Variants in HRNR observed in about 807,000 individuals in gnomAD.
The protein encoded by HRNR is filaggrin family member 3.
In HRNR, 7 loss-of-function variants were observed where a neutral mutation model predicts 4.8. The observed-to-expected ratio is 1.47, with a 90% CI of 0.83 to 2.75. The LOEUF (loss-of-function observed/expected upper bound fraction) is 2.75. Among genes scored for constraint, HRNR ranks in the 30% most tolerant of loss-of-function variants. The pLI, the probability that HRNR is intolerant of heterozygous loss-of-function variation, is 0.00. For missense variants in HRNR, 2,879 were observed against 3,010.4 expected, an observed-to-expected ratio of 0.96 and a Z score of 1.02; for synonymous variants, 1,023 against 1,242.7, an observed-to-expected ratio of 0.82 and a Z score of 3.72.
Position 152,221,307 on chromosome 1 carries a change from G to C in HRNR, c.322C>G (p.His108Asp). ...TCAGTTTCTTCTTGTTCCTCTTGGT[G>C]CTGGTGAGTGTCATCTCTCAGCTTT... ...GSKLRDDTHQHQEEQEETEKE... is the reference protein window; with the variant it reads ...GSKLRDDTHQDQEEQEETEKE... Residue 108 changes from histidine to aspartate, a missense_variant, in exon 3 of 3, where the codon CAC becomes GAC. Coordinates refer to ENST00000368801, the MANE Select transcript of HRNR (RefSeq NM_001009931.3). 2 of 1,613,970 alleles carry C rather than the reference G, an allele frequency of 1.2e-6. No individual in the cohort carries two copies. Among genetic ancestry groups the C allele is most frequent in the Non-Finnish European group, 1.7e-6 (2 of 1,179,992 alleles).
At position 152,219,000 on chromosome 1, in the gene HRNR, C is replaced by T. The variant is rs143604066; in HGVS notation, c.2629G>A (p.Ala877Thr). 2.6e-5 allele frequency: 42 copies of T among 1,611,178 alleles called. No homozygotes were observed. The highest frequency in any genetic ancestry group is 1.8e-4 in the South Asian group (16 of 90,900). Residue 877 changes from alanine (A) to threonine (T), a missense_variant, in exon 3 of 3, where the codon GCT (alanine) becomes ACT (threonine). Ala to Thr is a moderately conservative substitution (Grantham distance 58). Coordinates refer to ENST00000368801, the MANE Select transcript of HRNR (RefSeq NM_001009931.3). ...YGQHESASHH[A>T]SGRGRHGSGS... ...GAGCCATGTCGGCCGCGGCCCGAAG[C>T]GTGATGGGAGGCAGACTCATGCTGA...
At chr1:152,222,924 T>G (rs1469561174) in intron 2 of HRNR, among the ~76,000 whole-genome samples, 192 bp downstream of exon 2, 1 of 152,178 alleles carries the variant, frequency 6.6e-6, no homozygotes, top group Admixed American at 6.5e-5. Context: ...TTTAGTAAGG[T>G]CACTTCCGTT....
At chr1:152,223,873 A>G (rs765544559) in intron 1 of HRNR, among the ~76,000 whole-genome samples, 10 of 152,248 alleles carry the variant, frequency 6.6e-5, no homozygotes, top group Non-Finnish European at 1.0e-4. Context: ...GGAAAAGCTC[A>G]GTTGTAAAGA....
chr1:152,218,569 C>T lies in HRNR; in HGVS notation c.3060G>A (p.Gln1020=), dbSNP rs143548593. 14 of 1,613,716 alleles carry T rather than the reference C, an allele frequency of 8.7e-6. No homozygotes were observed. Among genetic ancestry groups the T allele is most frequent in the Non-Finnish European group, 1.2e-5 (14 of 1,179,890 alleles). The stretch of plus-strand genomic sequence containing the variant: ...ACCTATATGGGCCATAGCTGGAAGA[C>T]TGCCCGGAACCAGACCCATGTCGGC... The part of the protein sequence containing the change: ...SRGRHGSGSG[Q]SSSYGPYRSG... Residue 1020 remains glutamine (Q), a synonymous_variant, in exon 3 of 3, where the codon CAG becomes CAA. Transcript: ENST00000368801.
In HRNR at chr1:152,219,928, C is replaced by A. The variant is rs565962724; in HGVS notation, c.1701G>T (p.Arg567Ser). 1.9e-6 allele frequency: 3 copies of A among 1,612,710 alleles called. No homozygotes were observed. Among genetic ancestry groups the A allele is most frequent in the Non-Finnish European group, 2.5e-6 (3 of 1,179,472 alleles). ...SYGPHGYGSGRSSSRGPYESG... is the reference protein window; with the variant it reads ...SYGPHGYGSGSSSSRGPYESG... ...ACTCATATGGGCCACGGCTTGAAGA[C>A]CTCCCTGAGCCATACCCATGTGGGC... The change falls in exon 3 of 3, where the codon AGG becomes AGT. Residue 567 changes from arginine to serine, a missense_variant. Arg to Ser is a moderately radical substitution (Grantham distance 110, BLOSUM62 -1). This residue lies in a region of HRNR where 2,646 missense variants were observed against 1,377.7 expected (regional missense o/e 1.92). Coordinates refer to ENST00000368801, the MANE Select transcript of HRNR (RefSeq NM_001009931.3).
Position 152,218,971 on chromosome 1 carries a change from T to C in HRNR, c.2658A>G (p.Gly886=). 6.2e-7 allele frequency: 1 copy of C among 1,608,154 alleles called. No individual in the cohort carries two copies. Among genetic ancestry groups the C allele is most frequent in the Non-Finnish European group, 8.5e-7 (1 of 1,179,774 alleles). Residue 886 remains glycine, a synonymous_variant, in exon 3 of 3, where the codon GGA becomes GGG. Transcript: ENST00000368801. ...GGCCGTGGCCTGGAGACTGGCCAGA[T>C]CCAGAGCCATGTCGGCCGCGGCCCG... ...HASGRGRHGS[G]SGQSPGHGQR...
At position 152,219,975 on chromosome 1, in the gene HRNR, A is replaced by G; in HGVS notation, c.1654T>C (p.Ser552Pro). Residue 552 changes from serine (S) to proline (P), a missense_variant, in exon 3 of 3, where the codon TCC becomes CCC. Physicochemically the swap from Ser to Pro is moderately conservative, Grantham distance 74. Around this residue, in one of 8 missense-constraint regions of HRNR, gnomAD observed 2,646 missense variants for 1,377.7 expected, o/e 1.92. Coordinates refer to ENST00000368801, the MANE Select transcript of HRNR (RefSeq NM_001009931.3). ...SPSRGRHESG[S>P]RQSSSYGPHG... ...GGGCCATAGCTGGAAGACTGCCTGG[A>G]ACCAGACTCATGTCGGCCACGGCTA... The G allele has an allele frequency of 6.2e-7, 1 of 1,613,138 alleles. No homozygotes were observed. Among genetic ancestry groups the G allele is most frequent in the Non-Finnish European group, 8.5e-7 (1 of 1,179,806 alleles).
In HRNR at chr1:152,219,540, G is replaced by C. The variant is rs1557844820; in HGVS notation, c.2089C>G (p.Gln697Glu). The C allele has an allele frequency of 6.2e-7, 1 of 1,613,736 alleles. No individual in the cohort carries two copies. Residue 697 changes from glutamine (Q) to glutamate (E), a missense_variant, in exon 3 of 3, where the codon CAG becomes GAG. Around this residue, in one of 8 missense-constraint regions of HRNR, gnomAD observed 2,646 missense variants for 1,377.7 expected, o/e 1.92. Coordinates refer to ENST00000368801, the MANE Select transcript of HRNR (RefSeq NM_001009931.3). ...GACTTGTGACCAAAGCCGGAAGACT[G>C]GCCTGAGACAGACCCATGTGGGCCA... ...SNGPHGSVSG[Q>E]SSGFGHKSGS...
In HRNR at chr1:152,219,417, T is replaced by G; in HGVS notation, c.2212A>C (p.Arg738=). 1 of 1,614,040 alleles carries G rather than the reference T, an allele frequency of 6.2e-7. No homozygotes were observed. The highest frequency in any genetic ancestry group is 8.5e-7 in the Non-Finnish European group (1 of 1,180,012). ...GAGCTAGATCCGTGTTGTTCACTCC[T>G]AGATGACTGTCCTGACCTAGAGCCG... is the stretch of plus-strand genomic sequence containing the variant. ...KHGSRSGQSS[R]SEQHGSSSGL... The change falls in exon 3 of 3, where the codon AGG becomes CGG. Residue 738 remains arginine, a synonymous_variant. Transcript: ENST00000368801.
chr1:152,219,080 T>A lies in HRNR; in HGVS notation c.2549A>T (p.Gln850Leu). The A allele has an allele frequency of 6.2e-7, 1 of 1,613,646 alleles. No individual in the cohort carries two copies. ...SQGRHGSTSG[Q>L]SSSSGQHDSS... Reference sequence around the variant, plus strand: ...GTCATGTTGGCCGGAGCTTGATGACTGCCCTGACGTAGATCCATGTCGTCC... The same window carrying A: ...GTCATGTTGGCCGGAGCTTGATGACAGCCCTGACGTAGATCCATGTCGTCC... The change falls in exon 3 of 3, where the codon CAG becomes CTG. Residue 850 changes from glutamine to leucine, a missense_variant. Around this residue, in one of 8 missense-constraint regions of HRNR, gnomAD observed 2,646 missense variants for 1,377.7 expected, o/e 1.92. Coordinates refer to ENST00000368801, the MANE Select transcript of HRNR (RefSeq NM_001009931.3).
At position 152,218,546 on chromosome 1, in the gene HRNR, C is replaced by G. The variant is rs139825906; in HGVS notation, c.3083G>C (p.Arg1028Thr). ...GCTTGAAGACCACCCTGAGCCAGAC[C>G]TATATGGGCCATAGCTGGAAGACTG... ...SGQSSSYGPY[R>T]SGSGWSSSRG... is the part of the protein sequence containing the mutation. The change falls in exon 3 of 3, where the codon AGG (arginine) becomes ACG (threonine). Residue 1028 changes from arginine to threonine, a missense_variant. Transcript: ENST00000368801. The G allele has an allele frequency of 6.2e-6, 10 of 1,613,894 alleles. No individual in the cohort carries two copies. Among genetic ancestry groups the G allele is most frequent in the Non-Finnish European group, 8.5e-6 (10 of 1,179,972 alleles).
In HRNR at chr1:152,219,073, T is replaced by G. The variant is rs766422576; in HGVS notation, c.2556A>C (p.Ser852=). Residue 852 remains serine (S), a synonymous_variant, in exon 3 of 3, where the codon TCA becomes TCC. Coordinates refer to ENST00000368801, the MANE Select transcript of HRNR (RefSeq NM_001009931.3). ...AGCTAGAGTCATGTTGGCCGGAGCT[T>G]GATGACTGCCCTGACGTAGATCCAT... ...GRHGSTSGQS[S]SSGQHDSSSG... 31 of 1,607,980 alleles carry G rather than the reference T, an allele frequency of 1.9e-5. No individual in the cohort carries two copies. The highest frequency in any genetic ancestry group is 1.7e-4 in the Middle Eastern group (1 of 6,012).
chr1:152,219,350 T>A lies in HRNR; in HGVS notation c.2279A>T (p.His760Leu). The A allele has an allele frequency of 6.2e-7, 1 of 1,612,010 alleles. No individual in the cohort carries two copies. Residue 760 changes from histidine to leucine, a missense_variant, in exon 3 of 3, where the codon CAT becomes CTT. Coordinates refer to ENST00000368801, the MANE Select transcript of HRNR (RefSeq NM_001009931.3). ...SSYGQHGSGSHQSSGHGRQGS... is the reference protein window; with the variant it reads ...SSYGQHGSGSLQSSGHGRQGS... Reference sequence around the variant, plus strand: ...TTGTCGGCCGTGGCCCGAAGATTGATGGGAGCCCGACCCATGCTGACCATA... The same window carrying A: ...TTGTCGGCCGTGGCCCGAAGATTGAAGGGAGCCCGACCCATGCTGACCATA...
intron 2 of HRNR, among the ~76,000 whole-genome samples, 176 bp downstream of exon 2, chr1:152,222,940 T>C (rs1319676330): frequency 6.6e-6 from 1 of 152,232 alleles, no homozygotes; most frequent in Non-Finnish European, 1.5e-5. Flanking sequence ...CCGTTAGTTA[T>C]GCTATGGAAA....
rs566043986 is a variant in HRNR at position 152,218,541 on chromosome 1, C to G, written c.3088G>C (p.Gly1030Arg). 7 of 1,613,956 alleles carry G rather than the reference C, an allele frequency of 4.3e-6. No homozygotes were observed. Among genetic ancestry groups the G allele is most frequent in the Admixed American group, 1.7e-5 (1 of 60,022 alleles). ...QSSSYGPYRS[G>R]SGWSSSRGPY... is the part of the protein sequence containing the mutation. ...CCACGGCTTGAAGACCACCCTGAGC[C>G]AGACCTATATGGGCCATAGCTGGAA... Residue 1030 changes from glycine to arginine, a missense_variant, in exon 3 of 3, where the codon GGC (glycine) becomes CGC (arginine). Gly to Arg is a moderately radical substitution (Grantham distance 125). Transcript: ENST00000368801.
rs1475333402 is a variant in HRNR at position 152,213,045 on chromosome 1, T to A, written c.*31A>T. The A allele has an allele frequency of 2.5e-6, 4 of 1,584,354 alleles. No homozygotes were observed. Among genetic ancestry groups the A allele is most frequent in the East Asian group, 2.2e-5 (1 of 44,584 alleles). ...ATGACTTTCCTATTTCTTAAATTGC[T>A]ACTTGAGTAAATTGCATTTATGTTT... On this transcript the variant is annotated 3_prime_UTR_variant, in exon 3 of 3. Transcript: ENST00000368801.
Position 152,218,540 on chromosome 1 carries a change from C to G in HRNR, c.3089G>C (p.Gly1030Ala), listed in dbSNP as rs202100341. The change falls in exon 3 of 3, where the codon GGC (glycine) becomes GCC (alanine). Residue 1030 changes from glycine to alanine, a missense_variant. By Grantham distance (60) the Gly-to-Ala change is moderately conservative. Transcript: ENST00000368801. The part of the protein sequence containing the change: ...QSSSYGPYRS[G>A]SGWSSSRGPY... ...GCCACGGCTTGAAGACCACCCTGAGCCAGACCTATATGGGCCATAGCTGGA... is the reference window on the plus strand; with the variant it reads ...GCCACGGCTTGAAGACCACCCTGAGGCAGACCTATATGGGCCATAGCTGGA... The G allele has an allele frequency of 1.7e-4, 271 of 1,613,634 alleles. 1 individual carries two copies. The highest frequency in any genetic ancestry group is 1.8e-4 in the Non-Finnish European group (212 of 1,179,692).
At chr1:152,222,925 C>T (rs1330674260) in intron 2 of HRNR, among the ~76,000 whole-genome samples, 191 bp downstream of exon 2, 1 of 152,156 alleles carries the variant, frequency 6.6e-6, no homozygotes, top group Non-Finnish European at 1.5e-5. Flanking sequence ...TTAGTAAGGT[C>T]ACTTCCGTTA....
Position 152,220,552 on chromosome 1 carries a change from A to C in HRNR, c.1077T>G (p.Ser359=). 6.2e-7 allele frequency: 1 copy of C among 1,611,688 alleles called. No homozygotes were observed. Residue 359 remains serine, a synonymous_variant, in exon 3 of 3, where the codon TCT becomes TCG. Coordinates refer to ENST00000368801, the MANE Select transcript of HRNR (RefSeq NM_001009931.3). ...AGCCAGAACCATGCTTACTATAGCC[A>C]GAGGACTGTCCTGAGCCAGACTCAT... is the stretch of plus-strand genomic sequence containing the variant. The part of the protein sequence containing the change: ...GQHESGSGQS[S]GYSKHGSGSG...
Sources: allele counts gnomAD v4.1 joint callset (sites outside exome capture counted in the v4.1 genomes callset), GRCh38; gene constraint gnomAD v4.1.1; regional missense constraint gnomAD v4.1.1; transcripts MANE v1.5; gene names NCBI Gene and HGNC (gene_info 2026-07-23, HGNC 2026-07-21).